The following TIPIN variants were observed in gnomAD, a reference collection of about 807,000 sequenced individuals.
The protein encoded by TIPIN is TIMELESS-interacting protein.
A neutral mutation model predicts 35.6 loss-of-function variants in TIPIN; 29 were observed. The observed-to-expected ratio is 0.82, with a 90% CI of 0.61 to 1.11. TIPIN has a LOEUF of 1.11. Among genes scored for constraint, TIPIN ranks in the 50% most tolerant of loss-of-function variants. The pLI is 0.00. For synonymous variants in TIPIN, 102 were observed against 121.5 expected, an observed-to-expected ratio of 0.84 and a Z score of 1.06; for missense variants, 296 against 345.4, an observed-to-expected ratio of 0.86 and a Z score of 1.13.
At chr15:66,362,218 G>A (rs1007674980) in intron 1 of TIPIN, among the ~76,000 whole-genome samples, 14 of 150,892 alleles carry the variant, frequency 9.3e-5, no homozygotes, top group Non-Finnish European at 2.1e-4. Context: ...CAGGAGAATC[G>A]CTTGAACCCA....
intron 7 of TIPIN, among the ~76,000 whole-genome samples, chr15:66,340,700 G>T (rs2093080341): frequency 6.6e-6 from 1 of 151,842 alleles, no homozygotes; most frequent in Non-Finnish European, 1.5e-5. Context: ...TGATTCAGGT[G>T]ATTCTCGTAC....
rs1196279089 is a variant in TIPIN, at chr15:66,336,628, G to T, written c.*330C>A. On this transcript the variant is annotated 3_prime_UTR_variant, in exon 8 of 8. Coordinates refer to ENST00000261881, the MANE Select transcript of TIPIN (RefSeq NM_017858.3). ...GGCACACTGTCCATGGATTAGCCCT[G>T]CTTTGCAAGGAGCAGTAAAAAACAG... 2.1e-5 allele frequency: 6 copies of T among 291,514 alleles called. No homozygotes were observed. Among genetic ancestry groups the T allele is most frequent in the Non-Finnish European group, 3.3e-5 (5 of 150,614 alleles). 18.1% of individuals were successfully genotyped at this position (291,514 alleles called of 1,614,324 possible). A position where few individuals can be genotyped will look rare whatever the true frequency, so the allele number is the denominator to read the frequency against.
intron 1 of TIPIN, chr15:66,383,684 AT>A: frequency 1.5e-6 from 1 of 666,540 alleles, no homozygotes; most frequent in Non-Finnish European, 1.9e-6. Context: ...ATGCCTCTAT[AT>A]TAAAAAGTAT....
chr15:66,357,448 C>G (rs1490327600), upstream of TIPIN, among the ~76,000 whole-genome samples: 1 of 151,448 alleles, frequency 6.6e-6, no homozygotes, highest in Non-Finnish European at 1.5e-5. Flanking sequence ...TGGCCAGGTG[C>G]GGTGTGGCTC....
At chr15:66,373,905 G>A (rs1239696840) in intron 1 of TIPIN, among the ~76,000 whole-genome samples, 1 of 152,058 alleles carries the variant, frequency 6.6e-6, no homozygotes, top group Non-Finnish European at 1.5e-5. Context: ...GTCGCCCTAT[G>A]TTGTCCAGGC....
chr15:66,346,940 C>T (rs1421565104), intron 6 of TIPIN, among the ~76,000 whole-genome samples: 2 of 151,942 alleles, frequency 1.3e-5, no homozygotes, highest in African/African-American at 4.8e-5. Flanking sequence ...TACAGGTGCC[C>T]GCCACCACAC....
intron 7 of TIPIN, among the ~76,000 whole-genome samples, chr15:66,339,898 C>T (rs946848338): frequency 6.6e-6 from 1 of 151,090 alleles, no homozygotes; most frequent in Non-Finnish European, 1.5e-5. Flanking sequence ...GAGACGGAGT[C>T]TTGCTCTGTC....
At chr15:66,347,980 C>T (rs1294114452) in intron 6 of TIPIN, among the ~76,000 whole-genome samples, 1 of 151,206 alleles carries the variant, frequency 6.6e-6, no homozygotes, top group African/African-American at 2.4e-5. Flanking sequence ...ATAATACTGC[C>T]TCCTCTAACT....
At chr15:66,381,320 A>G (rs10851755) in intron 1 of TIPIN, among the ~76,000 whole-genome samples, 150,197 of 152,202 alleles carry the variant, frequency 0.99, 74,136 homozygotes, top group East Asian at 1. Flanking sequence ...CGCCTGTAAT[A>G]TCAGCTACTC....
intron 7 of TIPIN, 147 bp from the exon 8 acceptor site, chr15:66,337,328 C>CA: frequency 7.4e-6 from 3 of 404,288 alleles, no homozygotes; most frequent in African/African-American, 2.1e-5. Context: ...CTAAATATAT[C>CA]TTTTTTTTTT....
chr15:66,352,072 A>G, intron 3 of TIPIN, 57 bp downstream of exon 3: 1 of 1,392,054 alleles, frequency 7.2e-7, no homozygotes, highest in Non-Finnish European at 9.8e-7. Context: ...CATTAGAAGA[A>G]AAACAATGGA....
At chr15:66,381,257 G>A (rs1325159595) in intron 1 of TIPIN, among the ~76,000 whole-genome samples, 2 of 152,066 alleles carry the variant, frequency 1.3e-5, no homozygotes, top group Non-Finnish European at 2.9e-5. Context: ...CCAACATGGC[G>A]AAACCCTGTC....
upstream of TIPIN, among the ~76,000 whole-genome samples, chr15:66,357,335 A>G (rs1479634346): frequency 6.6e-6 from 1 of 152,226 alleles, no homozygotes; most frequent in African/African-American, 2.4e-5. Flanking sequence ...TTCAGAGTTC[A>G]TAGCAGAATG....
chr15:66,371,165 C>G, intron 1 of TIPIN: 3 of 906,960 alleles, frequency 3.3e-6, no homozygotes, highest in Non-Finnish European at 3.9e-6. Flanking sequence ...GAGCTGAGAT[C>G]TCGCCATTGC....
At chr15:66,363,550 G>A (rs1451657687) in intron 1 of TIPIN, among the ~76,000 whole-genome samples, 1 of 152,090 alleles carries the variant, frequency 6.6e-6, no homozygotes, top group Non-Finnish European at 1.5e-5. Flanking sequence ...GCTGAGGCAG[G>A]AGAATGGCGT....
intron 1 of TIPIN, among the ~76,000 whole-genome samples, chr15:66,384,090 G>A (rs570574617): frequency 2.9e-5 from 4 of 139,734 alleles, no homozygotes; most frequent in African/African-American, 1.1e-4. Context: ...TCCACCTCCC[G>A]GGTTCACACC....
intron 6 of TIPIN, among the ~76,000 whole-genome samples, chr15:66,344,605 C>T (rs1227135111): frequency 2.0e-5 from 3 of 149,808 alleles, no homozygotes; most frequent in Non-Finnish European, 4.4e-5. Flanking sequence ...AATCCCAGCA[C>T]TTTGGGAACC....
chr15:66,356,845 A>G (rs371370507), upstream of TIPIN: 1 of 452,092 alleles, frequency 2.2e-6, no homozygotes, highest in Admixed American at 6.4e-5. Flanking sequence ...TTTCCGCCCT[A>G]CTGAATTCTT....
chr15:66,349,217 G>C, intron 5 of TIPIN, 94 bp from the exon 6 acceptor site: 2 of 1,597,946 alleles, frequency 1.3e-6, no homozygotes, highest in South Asian at 1.1e-5. Context: ...TACCAAAAGA[G>C]ATTTCAAAAT....
Sources: allele counts gnomAD v4.1 joint callset (sites outside exome capture counted in the v4.1 genomes callset), GRCh38; gene constraint gnomAD v4.1.1; transcripts MANE v1.5; gene names NCBI Gene and HGNC (gene_info 2026-07-23, HGNC 2026-07-21).